The following MAST2 variants were observed in gnomAD, a reference collection of about 807,000 sequenced individuals.
MAST2 encodes the protein microtubule-associated serine/threonine-protein kinase 2.
A neutral mutation model predicts 147.4 loss-of-function variants in MAST2; 70 were observed. That is an observed-to-expected ratio of 0.47 (90% CI 0.39 to 0.58). MAST2 has a LOEUF of 0.58. Among genes scored for constraint, MAST2 ranks in the 20% least tolerant of loss-of-function variants. MAST2 has a pLI of 0.00. For missense variants in MAST2, 2,080 were observed against 2,302.3 expected (o/e 0.90, Z 1.98); for synonymous variants, 869 against 896.8 (o/e 0.97, Z 0.55).
In MAST2 at chr1:46,034,135, G is replaced by T. The variant is rs56309943; in HGVS notation, c.3737G>T (p.Arg1246Leu). The T allele has an allele frequency of 5.7e-4, 927 of 1,614,128 alleles. 7 individuals carry two copies. In the East Asian group the frequency reaches 0.018, roughly 32 times the overall value. ...TKQASLLHTS[R>L]SLSSLNRSLS... ...CAAGCATCCCTGCTCCACACCAGCC[G>T]CAGCCTTTCTTCCCTTAACCGCTCC... is the stretch of plus-strand genomic sequence containing the variant. The change falls in exon 28 of 29, where the codon CGC becomes CTC. Residue 1246 changes from arginine (R) to leucine (L), a missense_variant. Transcript: ENST00000361297.
In MAST2 at chr1:45,878,203, C is replaced by CAAAAA. The variant is rs34794896; in HGVS notation, c.469-4145_469-4141dup. On this transcript the variant is annotated intron_variant, in intron 3 of 28. Transcript: ENST00000361297. ...TGGGTGATGGAGCAAGGCTCTATCTCAAAAAAAAAAAAAAAAAAAAGTTGA... is the reference window on the plus strand; with the variant it reads ...TGGGTGATGGAGCAAGGCTCTATCTCAAAAAAAAAAAAAAAAAAAAAAAAAGTTGA... Among the ~76,000 whole-genome samples, 3 of 114,790 alleles carry CAAAAA rather than the reference C, an allele frequency of 2.6e-5. No homozygotes were observed. In the East Asian group the frequency reaches 7.7e-4, roughly 29 times the overall value. 75.3% of individuals were successfully genotyped at this position (114,790 alleles called of 152,430 possible). A position where few individuals can be genotyped will look rare whatever the true frequency, so the allele number is the denominator to read the frequency against.
intron 4 of MAST2, among the ~76,000 whole-genome samples, chr1:45,884,792 T>A (rs1278529816): frequency 6.6e-6 from 1 of 152,208 alleles, no homozygotes; most frequent in Non-Finnish European, 1.5e-5. Flanking sequence ...AATATAGGCT[T>A]TGCCACTAAC....
chr1:46,030,272 G>A, intron 21 of MAST2, 34 bp downstream of exon 21: 1 of 1,598,718 alleles, frequency 6.3e-7, no homozygotes, highest in Non-Finnish European at 8.6e-7. Flanking sequence ...GGGCAGAACA[G>A]GCTGGAGGAT....
rs1174123217 is a variant in MAST2 at position 45,939,980 on chromosome 1, G to GTTTTTTTTTTTT, written c.501-19396_501-19385dup. ...AACGGAAGTTCTCTATTTATTTAGGGTTTTTTTTTTTTTTTTTTTTTGAGA... is the reference window on the plus strand; with the variant it reads ...AACGGAAGTTCTCTATTTATTTAGGGTTTTTTTTTTTTTTTTTTTTTTTTTTTTTTTTTGAGA... On this transcript the variant is annotated intron_variant, in intron 4 of 28. Coordinates refer to ENST00000361297, the MANE Select transcript of MAST2 (RefSeq NM_015112.3). Among the ~76,000 whole-genome samples, 99 of 97,304 alleles carry GTTTTTTTTTTTT rather than the reference G, an allele frequency of 1.0e-3. 4 individuals are homozygous for GTTTTTTTTTTTT. The highest frequency in any genetic ancestry group is 1.5e-3 in the East Asian group (4 of 2,742). The allele number at this position is 97,304 out of a possible 152,430, so 63.8% of individuals were successfully genotyped here.
At chr1:45,845,865 A>G (rs913477925) in intron 3 of MAST2, among the ~76,000 whole-genome samples, 1 of 152,094 alleles carries the variant, frequency 6.6e-6, no homozygotes, top group Non-Finnish European at 1.5e-5. Context: ...GGTTCACGCC[A>G]TTTTCCCACC....
At chr1:46,022,141 G>A (rs1230006892) in intron 12 of MAST2, 59 bp downstream of exon 12, 18 of 1,599,548 alleles carry the variant, frequency 1.1e-5, no homozygotes, top group Non-Finnish European at 8.5e-7. Context: ...AGCTCTAACA[G>A]CAGGGAAGCT....
chr1:45,941,047 A>G (rs1359393404), intron 4 of MAST2, among the ~76,000 whole-genome samples: 1 of 152,168 alleles, frequency 6.6e-6, no homozygotes, highest in African/African-American at 2.4e-5. Context: ...AACTGGTCTT[A>G]AGGTTTTAGC....
chr1:46,027,716 T>G lies in MAST2; in HGVS notation c.1920-15T>G, dbSNP rs1254437939. The G allele has an allele frequency of 6.2e-7, 1 of 1,600,384 alleles. No individual in the cohort carries two copies. The highest frequency in any genetic ancestry group is 8.5e-7 in the Non-Finnish European group (1 of 1,174,132). On this transcript the variant is annotated splice_polypyrimidine_tract_variant and intron_variant, in intron 16 of 28. Transcript: ENST00000361297. ...CCAGGAATAACTTCTTAATTTTATT[T>G]CTTCGTTCTTCCAGCCTCCTAATTA... is the stretch of plus-strand genomic sequence containing the variant.
chr1:45,922,770 C>T (rs1244270938), intron 4 of MAST2, among the ~76,000 whole-genome samples: 1 of 151,922 alleles, frequency 6.6e-6, no homozygotes, highest in African/African-American at 2.4e-5. Context: ...GGGTGGGGCT[C>T]CCACTTTTCC....
chr1:46,028,918 G>C lies in MAST2; in HGVS notation c.2203G>C (p.Gly735Arg). The change falls in exon 18 of 29, where the codon GGG (glycine) becomes CGG (arginine). Residue 735 changes from glycine (G) to arginine (R), a missense_variant. By Grantham distance (125) the Gly-to-Arg change is moderately radical. This residue lies in a region of MAST2 where 209 missense variants were observed against 309.5 expected (regional missense o/e 0.68). Transcript: ENST00000361297. ...FFGDTPEELF[G>R]QVISDEIVWP... ...TGGAGATACTCCGGAGGAGCTCTTT[G>C]GGCAGGTGATCAGTGGTAGGTACTA... The C allele has an allele frequency of 6.3e-7, 1 of 1,597,830 alleles. No homozygotes were observed. The highest frequency in any genetic ancestry group is 8.5e-7 in the Non-Finnish European group (1 of 1,172,760).
chr1:46,022,858 T>G, intron 12 of MAST2, 52 bp from the exon 13 acceptor site: 77 of 1,339,054 alleles, frequency 5.8e-5, no homozygotes, highest in Middle Eastern at 1.8e-4. Context: ...AGGATACTGC[T>G]GAGATACCTG....
At chr1:46,013,913 C>A (rs1258627716) in intron 10 of MAST2, among the ~76,000 whole-genome samples, 1 of 152,144 alleles carries the variant, frequency 6.6e-6, no homozygotes, top group Non-Finnish European at 1.5e-5. Flanking sequence ...ATTTCACCAA[C>A]TGCTCAACCT....
intron 3 of MAST2, among the ~76,000 whole-genome samples, chr1:45,881,572 T>A (rs188670942): frequency 6.6e-6 from 1 of 152,264 alleles, no homozygotes; most frequent in Non-Finnish European, 1.5e-5. Flanking sequence ...ATCGTAAAGG[T>A]TATTTCTTAT....
intron 5 of MAST2, among the ~76,000 whole-genome samples, chr1:45,963,039 G>C (rs1660662044): frequency 6.6e-6 from 1 of 152,096 alleles, no homozygotes; most frequent in African/African-American, 2.4e-5. Context: ...CCCATTTCTT[G>C]TTTTTGTCAG....
rs539506336 is a variant in MAST2 at position 45,939,641 on chromosome 1, A to G, written c.501-19745A>G. ...CTGTAACCTCTGCCTCCTGGATTCA[A>G]GTGATTCTTGTGCCTCAGCCTCCCA... is the stretch of plus-strand genomic sequence containing the variant. On this transcript the variant is annotated intron_variant, in intron 4 of 28. Transcript: ENST00000361297. Among the ~76,000 whole-genome samples, 5 of 151,938 alleles carry G rather than the reference A, an allele frequency of 3.3e-5. No individual in the cohort carries two copies. The South Asian group carries it at 1.0e-3, about 32-fold the overall frequency.
chr1:45,970,945 T>C (rs796184742), intron 5 of MAST2, among the ~76,000 whole-genome samples: 20 of 152,276 alleles, frequency 1.3e-4, no homozygotes, highest in African/African-American at 4.8e-4. Context: ...ATTGTATAAC[T>C]GTACCACAAT....
Position 46,010,710 on chromosome 1 carries a change from T to G in MAST2, c.979-20T>G, listed in dbSNP as rs1247653359. 5 of 1,609,954 alleles carry G rather than the reference T, an allele frequency of 3.1e-6. No individual in the cohort carries two copies. Among genetic ancestry groups the G allele is most frequent in the Non-Finnish European group, 4.2e-6 (5 of 1,178,228 alleles). On this transcript the variant is annotated intron_variant, in intron 9 of 28. Coordinates refer to ENST00000361297, the MANE Select transcript of MAST2 (RefSeq NM_015112.3). ...GCTGGAACTAGAAGGGAAGTGTTTCTTTCTTGCTTTTCTTCCCAGGCCACC... is the reference window on the plus strand; with the variant it reads ...GCTGGAACTAGAAGGGAAGTGTTTCGTTCTTGCTTTTCTTCCCAGGCCACC...
intron 5 of MAST2, among the ~76,000 whole-genome samples, chr1:45,973,579 T>C (rs1004146433): frequency 1.3e-5 from 2 of 152,140 alleles, no homozygotes; most frequent in African/African-American, 2.4e-5. Context: ...TATAAAAAGA[T>C]CTTAAATCTG....
chr1:45,902,525 A>AT (rs796231653), intron 4 of MAST2, among the ~76,000 whole-genome samples: 31 of 146,278 alleles, frequency 2.1e-4, no homozygotes, highest in South Asian at 4.3e-4. Flanking sequence ...CTCATACTCA[A>AT]TTTTTTTTTT....
Sources: gnomAD v4.1 joint callset for allele counts (sites outside exome capture counted in the v4.1 genomes callset) on GRCh38, gnomAD v4.1.1 for gene constraint, gnomAD v4.1.1 regional missense constraint, MANE v1.5 for transcripts, NCBI Gene and HGNC (gene_info 2026-07-23, HGNC 2026-07-21) for gene names.